PDE4D: variants seen among roughly 807,000 people sequenced by gnomAD.
PDE4D encodes phosphodiesterase 4D.
PDE4D carries 24 observed loss-of-function variants against 87.4 expected under a neutral mutation model. The ratio of observed to expected loss-of-function variants is 0.27; its 90% confidence interval spans 0.20 to 0.39. The LOEUF is 0.39. PDE4D is among the 10% of genes least tolerant of loss of function. The probability of loss-of-function intolerance (pLI) is 1.00; values close to 1 mark genes in which losing one functional copy is unlikely to be tolerated. For synonymous variants in PDE4D, 384 were observed against 383.2 expected, an observed-to-expected ratio of 1.00 and a Z score of -0.02; for missense variants, 714 against 1,041.0, an observed-to-expected ratio of 0.69 and a Z score of 4.32.
intron 1 of PDE4D, among the ~76,000 whole-genome samples, chr5:59,252,167 C>G (rs541375458): frequency 6.6e-6 from 1 of 152,080 alleles, no homozygotes; most frequent in East Asian, 1.9e-4. Context: ...TACCCCCAAA[C>G]CTAAAATAAA....
chr5:59,746,832 C>T (rs1049745972), intron 1 of PDE4D, among the ~76,000 whole-genome samples: 4 of 151,988 alleles, frequency 2.6e-5, no homozygotes, highest in East Asian at 3.9e-4. Flanking sequence ...TGTACCTCTG[C>T]CCCTAGTGAA....
intron 2 of PDE4D, among the ~76,000 whole-genome samples, chr5:60,004,800 TA>T: frequency 6.6e-6 from 1 of 152,242 alleles, no homozygotes; most frequent in Admixed American, 6.5e-5. Flanking sequence ...AGGATGGTCA[TA>T]AAAAGTGTTG....
intron 1 of PDE4D, among the ~76,000 whole-genome samples, chr5:59,721,474 T>C (rs976324133): frequency 1.5e-4 from 23 of 152,286 alleles, no homozygotes; most frequent in African/African-American, 5.5e-4. Context: ...CTACTGGAAG[T>C]AATTTACTTA....
chr5:60,235,839 T>TA (rs758522230), intron 1 of PDE4D, among the ~76,000 whole-genome samples: 33 of 151,842 alleles, frequency 2.2e-4, no homozygotes, highest in Admixed American at 2.6e-4. Context: ...CAGAAAAATA[T>TA]AAAAAACAAC....
chr5:58,999,861 A>C, intron 6 of PDE4D: 1 of 987,634 alleles, frequency 1.0e-6, no homozygotes, highest in Non-Finnish European at 1.2e-6. Context: ...CCAGGGCTTA[A>C]TGAATAATGT....
chr5:60,492,123 T>A (rs1380667576), upstream of PDE4D, among the ~76,000 whole-genome samples: 2 of 142,918 alleles, frequency 1.4e-5, no homozygotes, highest in African/African-American at 2.7e-5. Flanking sequence ...TAAAGTATAA[T>A]TAAAAAAAAA....
At chr5:59,388,057 G>T (rs1305602298) in intron 1 of PDE4D, among the ~76,000 whole-genome samples, 1 of 151,952 alleles carries the variant, frequency 6.6e-6, no homozygotes, top group Non-Finnish European at 1.5e-5. Flanking sequence ...GTCATTCTGT[G>T]CCTGACTTAT....
intron 1 of PDE4D, among the ~76,000 whole-genome samples, chr5:60,307,490 A>G (rs989845298): frequency 6.6e-6 from 1 of 152,212 alleles, no homozygotes; most frequent in African/African-American, 2.4e-5. Context: ...TGACTTGTAC[A>G]TGCCAGCAAA....
intron 2 of PDE4D, among the ~76,000 whole-genome samples, chr5:59,213,432 A>C (rs1750529461): frequency 6.6e-6 from 1 of 152,136 alleles, no homozygotes; most frequent in African/African-American, 2.4e-5. Context: ...TTTTCCAAGG[A>C]TAGCCTCCTT....
chr5:60,439,229 T>C, intron 1 of PDE4D, among the ~76,000 whole-genome samples: 1 of 152,142 alleles, frequency 6.6e-6, no homozygotes, highest in Admixed American at 6.5e-5. Context: ...AAAGCTCTTA[T>C]AACTGCGGAA....
intron 1 of PDE4D, among the ~76,000 whole-genome samples, chr5:59,636,819 A>C (rs1374589652): frequency 6.6e-6 from 1 of 152,212 alleles, no homozygotes; most frequent in African/African-American, 2.4e-5. Context: ...AAACCTAGGC[A>C]ATACCATTCA....
chr5:60,209,180 T>C (rs1354874962), intron 1 of PDE4D, among the ~76,000 whole-genome samples: 1 of 139,898 alleles, frequency 7.1e-6, no homozygotes, highest in Non-Finnish European at 1.5e-5. Context: ...GTATTTTTTC[T>C]TTTTTTCTTT....
rs532872206 is a variant in PDE4D, at chr5:60,460,527, C to T, written c.-90+27415G>A. 5.5e-6 allele frequency: 8 copies of T among 1,464,126 alleles called. No homozygotes were observed. The East Asian group carries it at 6.9e-5, about 13-fold the overall frequency. The allele number at this position is 1,464,126 out of a possible 1,614,324, so 90.7% of individuals were successfully genotyped here. A position where few individuals can be genotyped will look rare whatever the true frequency, so the allele number is the denominator to read the frequency against. On this transcript the variant is annotated intron_variant, in intron 1 of 16. Coordinates refer to the PDE4D transcript ENST00000502484. ...ATGGTTGGCAGAGTTTGTCATATTT[C>T]TGTTCTACTTTCAAAATCTCCTCAC... is the stretch of plus-strand genomic sequence containing the variant.
chr5:59,401,443 A>ACTATCTAT (rs10705466), intron 1 of PDE4D, among the ~76,000 whole-genome samples: 6,206 of 127,510 alleles, frequency 0.049, 158 homozygotes, highest in Non-Finnish European at 0.06. Context: ...TATATTAGAG[A>ACTATCTAT]CTATCTATCT....
chr5:59,481,715 G>A (rs775425089), intron 1 of PDE4D, among the ~76,000 whole-genome samples: 7 of 151,878 alleles, frequency 4.6e-5, no homozygotes, highest in African/African-American at 7.3e-5. Flanking sequence ...TGGTCATTTC[G>A]TTGTTCCCAT....
intron 1 of PDE4D, among the ~76,000 whole-genome samples, chr5:59,575,489 A>G (rs1047516672): frequency 1.3e-5 from 2 of 152,216 alleles, no homozygotes; most frequent in African/African-American, 4.8e-5. Context: ...ATTTGTAGCA[A>G]TAGCATTTAG....
At chr5:59,742,226 G>A (rs1324024032) in intron 1 of PDE4D, among the ~76,000 whole-genome samples, 3 of 152,078 alleles carry the variant, frequency 2.0e-5, no homozygotes, top group African/African-American at 7.2e-5. Context: ...ACCATATTTG[G>A]TGAATTTTTA....
chr5:59,637,739 T>TG (rs1740831333), intron 1 of PDE4D, among the ~76,000 whole-genome samples: 2 of 151,256 alleles, frequency 1.3e-5, no homozygotes, highest in Non-Finnish European at 2.9e-5. Context: ...CATCACACAC[T>TG]GGGGCCTGTC....
chr5:59,030,888 G>C (rs1055805442), intron 6 of PDE4D, among the ~76,000 whole-genome samples: 2 of 152,044 alleles, frequency 1.3e-5, no homozygotes, highest in South Asian at 4.1e-4. Flanking sequence ...TGCAGGATGT[G>C]CAGGTTTGTT....
Sources: gnomAD v4.1 joint callset for allele counts (sites outside exome capture counted in the v4.1 genomes callset) on GRCh38, gnomAD v4.1.1 for gene constraint, MANE v1.5 for transcripts, NCBI Gene and HGNC (gene_info 2026-07-23, HGNC 2026-07-21) for gene names.